Variants in GIT2 observed in about 807,000 individuals in gnomAD.
GIT2 encodes the protein ARF GTPase-activating protein GIT2.
GIT2 carries 32 observed loss-of-function variants against 100.3 expected under a neutral mutation model. The ratio of observed to expected loss-of-function variants is 0.32; its 90% CI spans 0.24 to 0.43. GIT2 has a LOEUF of 0.43. GIT2 is among the 20% of genes least tolerant of loss of function. The pLI, the probability that GIT2 is intolerant of heterozygous loss-of-function variation, is 1.00. For synonymous variants in GIT2, 353 were observed against 364.1 expected (o/e 0.97, Z 0.35); for missense variants, 737 against 975.1 (o/e 0.76, Z 3.25).
chr12:109,973,560 T>C (rs542139719), intron 7 of GIT2, among the ~76,000 whole-genome samples: 1 of 152,336 alleles, frequency 6.6e-6, no homozygotes, highest in East Asian at 1.9e-4. Flanking sequence ...CTAATCCTTC[T>C]GAAAAACCAG....
At chr12:109,967,364 C>T in intron 8 of GIT2, 94 bp downstream of exon 8, 1 of 1,569,368 alleles carries the variant, frequency 6.4e-7, no homozygotes, top group Non-Finnish European at 8.7e-7. Context: ...AATGTATGGG[C>T]TTTGTTAAAC....
At chr12:109,982,306 C>G (rs1886454788) in intron 6 of GIT2, 1 of 152,208 alleles carries the variant, frequency 6.6e-6, no homozygotes, top group African/African-American at 2.4e-5. Flanking sequence ...ATGATTTGGA[C>G]CACAATGAAG....
intron 1 of GIT2, among the ~76,000 whole-genome samples, chr12:109,992,975 T>C (rs909366709): frequency 6.6e-6 from 1 of 151,644 alleles, no homozygotes; most frequent in South Asian, 2.1e-4. Flanking sequence ...CCCAGCCAAT[T>C]AATTGTTTTA....
At chr12:109,959,809 G>T in intron 12 of GIT2, 38 bp downstream of exon 12, 1 of 1,221,404 alleles carries the variant, frequency 8.2e-7, no homozygotes, top group Non-Finnish European at 1.2e-6. Flanking sequence ...AATTTAGAGG[G>T]CCAAAAAATG....
rs777510223 is a variant in GIT2 at position 109,948,804 on chromosome 12, T to C, written c.1393-1300A>G. ...CACCAATCTGTGAAAAATACACCAA[T>C]AGTAGTTGCTCCTCTTCATTAATTA... On this transcript the variant is annotated intron_variant, in intron 14 of 19. Coordinates refer to ENST00000355312, the MANE Select transcript of GIT2 (RefSeq NM_057169.5). This position sits in a 1 kb window ranked among gnomAD's most constrained non-coding sequence, Gnocchi z 4.3. 99 of 1,603,514 alleles carry C rather than the reference T, an allele frequency of 6.2e-5. 1 individual carries two copies. In the Admixed American group the frequency reaches 1.7e-3, roughly 27 times the overall value.
intron 13 of GIT2, 164 bp downstream of exon 13, chr12:109,952,928 T>C: frequency 1.6e-6 from 1 of 636,978 alleles, no homozygotes; most frequent in Non-Finnish European, 2.7e-6. Flanking sequence ...GCAGCAGGGC[T>C]GTGATGCAGG....
intron 14 of GIT2, among the ~76,000 whole-genome samples, chr12:109,950,103 C>T (rs1177911216): frequency 2.6e-5 from 4 of 152,188 alleles, no homozygotes; most frequent in Non-Finnish European, 5.9e-5. Context: ...CTCAAAAATG[C>T]TCTAGAAGTC....
chr12:109,939,302 A>C, intron 16 of GIT2, 55 bp from the exon 17 acceptor site: 1 of 985,332 alleles, frequency 1.0e-6, no homozygotes, highest in Non-Finnish European at 1.6e-6. Context: ...TCTTCTCAGG[A>C]GTCTTCCCCA....
At chr12:109,956,571 AT>A (rs1178177701) in intron 12 of GIT2, among the ~76,000 whole-genome samples, 6 of 152,178 alleles carry the variant, frequency 3.9e-5, no homozygotes, top group Non-Finnish European at 5.9e-5. Flanking sequence ...GAGGTCACAA[AT>A]TTTAGCAAGT....
chr12:109,976,283 A>ATTTT (rs1187840816), intron 7 of GIT2, among the ~76,000 whole-genome samples: 4 of 134,922 alleles, frequency 3.0e-5, no homozygotes, highest in Admixed American at 2.2e-4. Flanking sequence ...CTACTAGATA[A>ATTTT]TTTTTTTTTT....
chr12:109,958,219 C>T (rs949272921), intron 12 of GIT2, among the ~76,000 whole-genome samples: 2 of 151,814 alleles, frequency 1.3e-5, no homozygotes, highest in Admixed American at 1.3e-4. Context: ...GCTGGGATTA[C>T]AGGTGTGAGC....
chr12:109,960,465 A>C (rs1027380596), intron 11 of GIT2, among the ~76,000 whole-genome samples: 2 of 152,060 alleles, frequency 1.3e-5, no homozygotes, highest in Non-Finnish European at 2.9e-5. Context: ...CTGTAATCCT[A>C]GCTACTTGGG....
chr12:109,945,132 G>C (rs570037616), intron 16 of GIT2, 128 bp downstream of exon 16: 1 of 636,248 alleles, frequency 1.6e-6, no homozygotes, highest in African/African-American at 1.8e-5. Context: ...TGAGAAACCA[G>C]GAGGAAGTGC....
chr12:109,958,415 T>C (rs550139679), intron 12 of GIT2, among the ~76,000 whole-genome samples: 1 of 152,030 alleles, frequency 6.6e-6, no homozygotes, highest in East Asian at 1.9e-4. Context: ...CTAATTTTTT[T>C]GTATTTTTAG....
chr12:109,968,405 G>GT (rs2136507488), intron 7 of GIT2, among the ~76,000 whole-genome samples: 1 of 152,036 alleles, frequency 6.6e-6, no homozygotes, highest in South Asian at 2.1e-4. Context: ...TTACTGTTGA[G>GT]TTTTAATTTT....
chr12:109,945,123 G>A (rs1875945168), intron 16 of GIT2, 137 bp downstream of exon 16: 1 of 626,100 alleles, frequency 1.6e-6, no homozygotes, highest in Non-Finnish European at 2.9e-6. Flanking sequence ...GATGCACTGT[G>A]AGAAACCAGG....
At chr12:109,961,746 G>C in intron 9 of GIT2, 61 bp from the exon 10 acceptor site, 1 of 975,702 alleles carries the variant, frequency 1.0e-6, no homozygotes, top group Non-Finnish European at 1.7e-6. Context: ...GGACAAGAGG[G>C]AACTGCGACT....
intron 16 of GIT2, chr12:109,939,895 A>G (rs1874193997): frequency 6.6e-6 from 1 of 152,256 alleles, no homozygotes; most frequent in Admixed American, 6.6e-5. Flanking sequence ...ACAAACAAAC[A>G]AAAAAACATG....
rs1889346484 is a variant in GIT2 at position 109,996,030 on chromosome 12, G to T, written c.52+143C>A. On this transcript the variant is annotated intron_variant, in intron 1 of 19. Transcript: ENST00000355312. ...GCCCGCCCGGCTCTGACAGGCCCGG[G>T]ACGGTTCCCACCCCAAGGCCGCCCA... 4 of 530,138 alleles carry T rather than the reference G, an allele frequency of 7.5e-6. No homozygotes were observed. The South Asian group carries it at 1.1e-4, about 14-fold the overall frequency. 32.8% of individuals were successfully genotyped at this position (530,138 alleles called of 1,614,324 possible). A position where few individuals can be genotyped will look rare whatever the true frequency, so the allele number is the denominator to read the frequency against.
Sources: allele counts gnomAD v4.1 joint callset (sites outside exome capture counted in the v4.1 genomes callset), GRCh38; gene constraint gnomAD v4.1.1; non-coding constraint Gnocchi (gnomAD v3.1); transcripts MANE v1.5; gene names NCBI Gene and HGNC (gene_info 2026-07-23, HGNC 2026-07-21).